Variants in TMC7 observed in about 807,000 individuals in gnomAD.
The protein encoded by TMC7 is transmembrane channel like 7.
TMC7 carries 54 observed loss-of-function variants against 82.9 expected under a neutral mutation model. That is an observed-to-expected ratio of 0.65 (90% confidence interval 0.52 to 0.82). The LOEUF (loss-of-function observed/expected upper bound fraction) is 0.82, where lower values mean the gene tolerates loss of function less well. Among genes scored for constraint, TMC7 ranks in the 40% least tolerant of loss-of-function variants. The probability of loss-of-function intolerance (pLI) is 0.00; values close to 1 mark genes in which losing one functional copy is unlikely to be tolerated. For missense variants in TMC7, 820 were observed against 901.2 expected, an observed-to-expected ratio of 0.91 and a Z score of 1.15; for synonymous variants, 350 against 337.9, an observed-to-expected ratio of 1.04 and a Z score of -0.39.
At chr16:19,055,360 T>C (rs1295167440) in intron 13 of TMC7, among the ~76,000 whole-genome samples, 1 of 152,114 alleles carries the variant, frequency 6.6e-6, no homozygotes, top group Non-Finnish European at 1.5e-5. Flanking sequence ...TAGTCTTTAG[T>C]ATAGCTTTTT....
intron 15 of TMC7, among the ~76,000 whole-genome samples, chr16:19,060,309 A>G (rs181356419): frequency 3.3e-5 from 5 of 152,172 alleles, no homozygotes; most frequent in Admixed American, 3.3e-4. Context: ...GTCTCAAGCC[A>G]TCCTCCCACC....
chr16:19,046,221 A>C (rs186848735), intron 11 of TMC7, among the ~76,000 whole-genome samples: 1 of 151,538 alleles, frequency 6.6e-6, no homozygotes, highest in South Asian at 2.1e-4. Context: ...CTGGGTTCAA[A>C]CTCCCTCCCT....
chr16:19,027,256 A>G (rs1421445234), intron 5 of TMC7, among the ~76,000 whole-genome samples: 2 of 150,788 alleles, frequency 1.3e-5, no homozygotes, highest in Non-Finnish European at 3.0e-5. Context: ...TAGTAGAGAC[A>G]GGGTTTCATC....
intron 5 of TMC7, 48 bp downstream of exon 5, chr16:19,023,243 A>G (rs1350741132): frequency 7.8e-7 from 1 of 1,283,216 alleles, no homozygotes; most frequent in Non-Finnish European, 1.1e-6. Context: ...TCTACTAAAA[A>G]TTGATTGATT....
At chr16:19,050,041 T>C (rs1264353153) in intron 12 of TMC7, among the ~76,000 whole-genome samples, 1 of 152,096 alleles carries the variant, frequency 6.6e-6, no homozygotes, top group Non-Finnish European at 1.5e-5. Context: ...GATACAGTTA[T>C]ACATGTTTAA....
At chr16:19,020,479 T>A (rs1010641848) in intron 3 of TMC7, among the ~76,000 whole-genome samples, 2 of 152,214 alleles carry the variant, frequency 1.3e-5, no homozygotes, top group Non-Finnish European at 2.9e-5. Flanking sequence ...ATTGTTAATG[T>A]TAGTGTCTCT....
At chr16:18,996,188 G>C (rs1392750264) in intron 1 of TMC7, among the ~76,000 whole-genome samples, 1 of 152,100 alleles carries the variant, frequency 6.6e-6, no homozygotes, top group Non-Finnish European at 1.5e-5. Flanking sequence ...ACCTGGCTTG[G>C]CCTGGCGAGG....
intron 3 of TMC7, among the ~76,000 whole-genome samples, chr16:19,017,922 G>A (rs564640148): frequency 3.2e-4 from 48 of 152,122 alleles, no homozygotes; most frequent in African/African-American, 9.6e-4. Context: ...CGCCCTTCTC[G>A]GCCTCCCAAA....
chr16:19,038,883 A>G lies in TMC7; in HGVS notation c.1179+836A>G, dbSNP rs571999408. 1.2e-4 allele frequency among the ~76,000 whole-genome samples: 18 copies of G among 152,230 alleles called. No individual in the cohort carries two copies. The East Asian group carries it at 3.1e-3, about 26-fold the overall frequency. The stretch of plus-strand genomic sequence containing the variant: ...GATCCTTACTGCTCCTGGAATTTGC[A>G]ATATTCAAAACTAGGCTGGACTAGG... On this transcript the variant is annotated intron_variant, in intron 8 of 15. Transcript: ENST00000304381.
chr16:18,988,248 G>C (rs1296455769), intron 1 of TMC7, among the ~76,000 whole-genome samples: 2 of 150,092 alleles, frequency 1.3e-5, no homozygotes, highest in African/African-American at 2.5e-5. Flanking sequence ...TCTGCCTCCT[G>C]GGTTCAATCC....
chr16:19,045,223 G>A (rs1337990781), intron 10 of TMC7, 118 bp from the exon 11 acceptor site: 2 of 901,048 alleles, frequency 2.2e-6, no homozygotes, highest in Non-Finnish European at 3.6e-6. Context: ...ATCAGCTGAT[G>A]CCCTCACTGG....
chr16:19,008,467 G>A (rs1051217728), intron 1 of TMC7, among the ~76,000 whole-genome samples: 3 of 152,182 alleles, frequency 2.0e-5, no homozygotes, highest in Non-Finnish European at 4.4e-5. Flanking sequence ...CTGGTCTGGA[G>A]CGGCCTCAGC....
At chr16:19,036,108 C>T (rs1960735628) in intron 7 of TMC7, among the ~76,000 whole-genome samples, 1 of 152,130 alleles carries the variant, frequency 6.6e-6, no homozygotes, top group Admixed American at 6.6e-5. Flanking sequence ...TGCTACTTTA[C>T]ACTGTTATTT....
chr16:19,053,100 A>G lies in TMC7; in HGVS notation c.1871+1284A>G, dbSNP rs760853377. 1.4e-4 allele frequency among the ~76,000 whole-genome samples: 22 copies of G among 152,278 alleles called. No homozygotes were observed. In the Middle Eastern group the frequency reaches 0.01, roughly 71 times the overall value. Reference sequence around the variant, plus strand: ...TAATATACATTATATAAAAAATTCAAGCAGTACAGAAGGGTGTAAATTGAA... The same window carrying G: ...TAATATACATTATATAAAAAATTCAGGCAGTACAGAAGGGTGTAAATTGAA... On this transcript the variant is annotated intron_variant, in intron 13 of 15. Coordinates refer to ENST00000304381, the MANE Select transcript of TMC7 (RefSeq NM_024847.4).
chr16:19,023,554 C>T (rs911635992), intron 5 of TMC7, among the ~76,000 whole-genome samples: 1 of 152,180 alleles, frequency 6.6e-6, no homozygotes, highest in Admixed American at 6.6e-5. Context: ...TCAAGTGATT[C>T]TCCTGCCTCA....
intron 13 of TMC7, among the ~76,000 whole-genome samples, chr16:19,053,307 C>CTTTT (rs11409750): frequency 6.7e-6 from 1 of 148,416 alleles, no homozygotes. Flanking sequence ...CATTAATATT[C>CTTTT]TTTTTTTTTT....
rs760514749 is a variant in TMC7 at position 19,059,459 on chromosome 16, C to T, written c.2071C>T (p.Arg691Trp). ...YFIALAGAHK[R>W]VVIQLREQLS... ...CATTGCCTTAGCTGGAGCACACAAA[C>T]GGGTGGTCATCCAGCTCCGAGAGCA... is the stretch of plus-strand genomic sequence containing the variant. The change falls in exon 15 of 16, where the codon CGG becomes TGG. Residue 691 changes from arginine (R) to tryptophan (W), a missense_variant. By Grantham distance (101) the Arg-to-Trp change is moderately radical. Around this residue, in one of 2 missense-constraint regions of TMC7, gnomAD observed 170 missense variants for 231.3 expected, o/e 0.74. Coordinates refer to ENST00000304381, the MANE Select transcript of TMC7 (RefSeq NM_024847.4). 3.4e-5 allele frequency: 55 copies of T among 1,613,970 alleles called. No individual in the cohort carries two copies. In the Middle Eastern group the frequency reaches 5.0e-4, roughly 15 times the overall value.
chr16:19,013,274 A>C (rs1400066189), intron 2 of TMC7, among the ~76,000 whole-genome samples: 1 of 150,140 alleles, frequency 6.7e-6, no homozygotes, highest in African/African-American at 2.5e-5. Context: ...GCTGGAGTGC[A>C]ATGGTGCGAT....
At chr16:19,054,295 T>C (rs1961668665) in intron 13 of TMC7, among the ~76,000 whole-genome samples, 2 of 152,310 alleles carry the variant, frequency 1.3e-5, no homozygotes, top group South Asian at 4.1e-4. Flanking sequence ...GCATATGCCC[T>C]TCAACTGGAT....
Sources: gnomAD v4.1 joint callset for allele counts (sites outside exome capture counted in the v4.1 genomes callset) on GRCh38, gnomAD v4.1.1 for gene constraint, gnomAD v4.1.1 regional missense constraint, MANE v1.5 for transcripts, NCBI Gene and HGNC (gene_info 2026-07-23, HGNC 2026-07-21) for gene names.